The following ALPK2 variants were observed in gnomAD, a reference collection of about 807,000 sequenced individuals.
ALPK2 encodes alpha kinase 2.
ALPK2 carries 127 observed loss-of-function variants against 163.1 expected under a neutral mutation model. The observed-to-expected ratio is 0.78, with a 90% CI of 0.67 to 0.90. ALPK2 has a LOEUF of 0.90. Ranked by LOEUF, ALPK2 falls within the 40% of genes least tolerant of loss-of-function variation. ALPK2 has a pLI of 0.00. For synonymous variants in ALPK2, 953 were observed against 959.1 expected, an observed-to-expected ratio of 0.99 and a Z score of 0.12; for missense variants, 2,360 against 2,589.6, an observed-to-expected ratio of 0.91 and a Z score of 1.92.
chr18:58,531,196 A>C (rs940521848), intron 5 of ALPK2, among the ~76,000 whole-genome samples: 4 of 152,182 alleles, frequency 2.6e-5, no homozygotes, highest in Non-Finnish European at 4.4e-5. Flanking sequence ...CCCTATCTCT[A>C]AAGTAATAAT....
At chr18:58,543,041 T>C (rs971197517) in intron 4 of ALPK2, among the ~76,000 whole-genome samples, 12 of 152,110 alleles carry the variant, frequency 7.9e-5, no homozygotes, top group African/African-American at 2.9e-4. Flanking sequence ...CATTTATGGA[T>C]TAATGAATTA....
chr18:58,532,482 C>T (rs972292203), intron 5 of ALPK2, among the ~76,000 whole-genome samples: 53 of 152,328 alleles, frequency 3.5e-4, no homozygotes, highest in Admixed American at 2.5e-3. Flanking sequence ...CCCCCTCCTG[C>T]TCCGTCACCA....
intron 3 of ALPK2, among the ~76,000 whole-genome samples, chr18:58,581,696 C>T (rs1276684996): frequency 1.3e-5 from 2 of 152,228 alleles, no homozygotes; most frequent in Non-Finnish European, 2.9e-5. Flanking sequence ...CCTTATTAAT[C>T]TCATTTGACC....
chr18:58,563,885 A>G lies in ALPK2; in HGVS notation c.1962+14929T>C, dbSNP rs1173264153. Among the ~76,000 whole-genome samples the G allele has an allele frequency of 2.0e-5, 3 of 152,260 alleles. No individual in the cohort carries two copies. In the South Asian group the frequency reaches 6.2e-4, roughly 32 times the overall value. On this transcript the variant is annotated intron_variant, in intron 4 of 12. Coordinates refer to ENST00000361673, the MANE Select transcript of ALPK2 (RefSeq NM_052947.4). The stretch of plus-strand genomic sequence containing the variant: ...GGCTAATTACAGGGCCAAAATTTAC[A>G]TGTTAAAGGATTAGTAAATATCACC...
intron 3 of ALPK2, among the ~76,000 whole-genome samples, chr18:58,590,140 G>A (rs879412437): frequency 6.7e-6 from 1 of 148,980 alleles, no homozygotes; most frequent in Non-Finnish European, 1.5e-5. Flanking sequence ...AGAGTCGCTT[G>A]AACCCAGGGG....
chr18:58,552,032 C>T (rs770072071), intron 4 of ALPK2, among the ~76,000 whole-genome samples: 5 of 152,132 alleles, frequency 3.3e-5, no homozygotes, highest in Non-Finnish European at 7.4e-5. Context: ...GTTATTTTCC[C>T]ACCCAACCCC....
At chr18:58,609,943 GA>G (rs1393341352) in intron 2 of ALPK2, among the ~76,000 whole-genome samples, 1 of 152,096 alleles carries the variant, frequency 6.6e-6, no homozygotes, top group African/African-American at 2.4e-5. Context: ...TGGGCTTGGA[GA>G]GGCTGAGCGC....
At chr18:58,610,243 C>T (rs1180412490) in intron 2 of ALPK2, among the ~76,000 whole-genome samples, 1 of 136,774 alleles carries the variant, frequency 7.3e-6, no homozygotes, top group African/African-American at 2.8e-5. Context: ...CACTGCACTC[C>T]AGCCTGGGCA....
chr18:58,498,997 G>A (rs907017494), intron 11 of ALPK2, among the ~76,000 whole-genome samples: 9 of 152,290 alleles, frequency 5.9e-5, no homozygotes, highest in Middle Eastern at 3.4e-3. Flanking sequence ...CATAAAGATC[G>A]TTTTTCAATT....
chr18:58,585,145 TA>T (rs2051979006), intron 3 of ALPK2, among the ~76,000 whole-genome samples: 1 of 152,220 alleles, frequency 6.6e-6, no homozygotes, highest in Non-Finnish European at 1.5e-5. Context: ...AGAAGTGGTC[TA>T]AACCAGAATT....
chr18:58,481,703 C>T lies in ALPK2; in HGVS notation c.*120G>A. ...TAGAAGCATCTTGGCGCACAGTCGG[C>T]TGGGAGTAAGGATTGCCACGCACTC... is the stretch of plus-strand genomic sequence containing the variant. On this transcript the variant is annotated 3_prime_UTR_variant, in exon 13 of 13. Coordinates refer to ENST00000361673, the MANE Select transcript of ALPK2 (RefSeq NM_052947.4). 2.6e-6 allele frequency: 2 copies of T among 772,366 alleles called. No homozygotes were observed. The highest frequency in any genetic ancestry group is 1.7e-5 in the African/African-American group (1 of 57,606). 47.8% of individuals were successfully genotyped at this position (772,366 alleles called of 1,614,324 possible). A position where few individuals can be genotyped will look rare whatever the true frequency, so the allele number is the denominator to read the frequency against.
chr18:58,527,154 C>T (rs974473979), intron 6 of ALPK2, among the ~76,000 whole-genome samples: 1 of 151,272 alleles, frequency 6.6e-6, no homozygotes, highest in African/African-American at 2.5e-5. Context: ...CTTTGCTCCA[C>T]GTTCATATTA....
intron 10 of ALPK2, among the ~76,000 whole-genome samples, chr18:58,514,613 G>A (rs1455887308): frequency 6.6e-6 from 1 of 151,918 alleles, no homozygotes; most frequent in African/African-American, 2.4e-5. Context: ...GGGACTAATC[G>A]CCTTGTGATA....
chr18:58,606,346 C>T (rs562641141), intron 3 of ALPK2, among the ~76,000 whole-genome samples: 1 of 152,198 alleles, frequency 6.6e-6, no homozygotes, highest in Admixed American at 6.5e-5. Flanking sequence ...TCCCAAAGTG[C>T]TGAGATTGCA....
At chr18:58,582,278 G>A (rs1294034929) in intron 3 of ALPK2, among the ~76,000 whole-genome samples, 1 of 152,114 alleles carries the variant, frequency 6.6e-6, no homozygotes, top group Non-Finnish European at 1.5e-5. Context: ...TTCAAGAAGG[G>A]GGCAGTACCG....
intron 5 of ALPK2, 33 bp downstream of exon 5, chr18:58,534,801 C>A: frequency 6.4e-7 from 1 of 1,565,820 alleles, no homozygotes; most frequent in South Asian, 1.2e-5. Flanking sequence ...CAAGCCCAAA[C>A]TTTAACAATG....
intron 3 of ALPK2, among the ~76,000 whole-genome samples, chr18:58,582,754 G>A (rs1288730033): frequency 6.6e-6 from 1 of 152,106 alleles, no homozygotes; most frequent in Non-Finnish European, 1.5e-5. Context: ...CGTATAAGGT[G>A]TACGTTGATT....
intron 4 of ALPK2, 51 bp from the exon 5 acceptor site, chr18:58,538,275 A>C (rs1249251224): frequency 6.0e-6 from 9 of 1,496,400 alleles, no homozygotes; most frequent in Non-Finnish European, 5.4e-6. Context: ...GAGAGCCCAC[A>C]ATAGGGCATA....
chr18:58,535,003 C>A lies in ALPK2; in HGVS notation c.5184G>T (p.Lys1728Asn), dbSNP rs749425998. Residue 1728 changes from lysine to asparagine, a missense_variant, in exon 5 of 13, where the codon AAG (lysine) becomes AAT (asparagine). By Grantham distance (94) the Lys-to-Asn change is moderately conservative (BLOSUM62 0). Transcript: ENST00000361673. Reference protein sequence around the residue: ...PGSGHLAEGVKKKILSRVAAL... With the variant: ...PGSGHLAEGVNKKILSRVAAL... ...CTGCCACCCTGGACAAAATTTTCTT[C>A]TTTACTCCCTCAGCTAAATGTCCAC... The A allele has an allele frequency of 6.2e-7, 1 of 1,614,136 alleles. No homozygotes were observed. The highest frequency in any genetic ancestry group is 8.5e-7 in the Non-Finnish European group (1 of 1,180,006).
Sources: allele counts gnomAD v4.1 joint callset (sites outside exome capture counted in the v4.1 genomes callset), GRCh38; gene constraint gnomAD v4.1.1; transcripts MANE v1.5; gene names NCBI Gene and HGNC (gene_info 2026-07-23, HGNC 2026-07-21).